Variants in ARHGEF10L observed in about 807,000 individuals in gnomAD.
ARHGEF10L encodes rho guanine nucleotide exchange factor 10-like protein.
Under a neutral mutation model 141.2 loss-of-function variants are expected in ARHGEF10L, and 69 were observed. That is an observed-to-expected ratio of 0.49 (90% CI 0.40 to 0.60). The LOEUF (loss-of-function observed/expected upper bound fraction) is 0.60, where lower values mean the gene tolerates loss of function less well. Among genes scored for constraint, ARHGEF10L ranks in the 20% least tolerant of loss-of-function variants. The pLI is 0.00. For synonymous variants in ARHGEF10L, 711 were observed against 718.5 expected (o/e 0.99, Z 0.17); for missense variants, 1,482 against 1,734.3 (o/e 0.85, Z 2.58).
intron 20 of ARHGEF10L, 90 bp from the exon 21 acceptor site, chr1:17,640,112 C>T (rs892135320): frequency 2.6e-5 from 39 of 1,515,038 alleles, no homozygotes; most frequent in East Asian, 9.8e-5. Context: ...CTCCAGGGCG[C>T]GTGGGTTGGA....
chr1:17,678,715 G>A (rs778787461), intron 26 of ARHGEF10L, among the ~76,000 whole-genome samples: 3 of 152,134 alleles, frequency 2.0e-5, no homozygotes, highest in Non-Finnish European at 2.9e-5. Flanking sequence ...CACCGCACCC[G>A]GCTGGATTTC....
At chr1:17,559,941 G>C (rs2077482059) in intron 1 of ARHGEF10L, among the ~76,000 whole-genome samples, 1 of 152,106 alleles carries the variant, frequency 6.6e-6, no homozygotes, top group Non-Finnish European at 1.5e-5. Context: ...TGCTTGATTT[G>C]AATTCTCAGG....
At chr1:17,684,229 G>A (rs1210874080) in intron 26 of ARHGEF10L, among the ~76,000 whole-genome samples, 3 of 152,200 alleles carry the variant, frequency 2.0e-5, no homozygotes, top group Admixed American at 6.5e-5. Flanking sequence ...CCTCATGGGA[G>A]GTTTCCTTCC....
intron 21 of ARHGEF10L, among the ~76,000 whole-genome samples, chr1:17,642,008 A>C (rs1405550671): frequency 6.6e-6 from 1 of 152,068 alleles, no homozygotes; most frequent in Non-Finnish European, 1.5e-5. Context: ...AAAGAAAAAA[A>C]AAAGAAGTTA....
At chr1:17,605,269 A>G (rs553562390) in intron 6 of ARHGEF10L, among the ~76,000 whole-genome samples, 2 of 152,278 alleles carry the variant, frequency 1.3e-5, no homozygotes, top group Admixed American at 1.3e-4. Context: ...GCTTCTTCAC[A>G]TAAAGCAGGA....
the ARHGEF10L span, among the ~76,000 whole-genome samples, chr1:17,520,267 C>T: frequency 6.6e-6 from 1 of 152,200 alleles, no homozygotes; most frequent in East Asian, 1.9e-4. Context: ...GCCCGCCCAG[C>T]AGGTCGGGCA....
In ARHGEF10L at chr1:17,654,737, T is replaced by G. The variant is rs2062126687; in HGVS notation, c.2481+15T>G. On this transcript the variant is annotated intron_variant, in intron 23 of 28. Transcript: ENST00000361221. This position sits in a 1 kb window ranked among gnomAD's most constrained non-coding sequence, Gnocchi z 4.3. ...GCTACCTCTGGGTGAGTCACCCCCC[T>G]GCCCAGCTGGGCATTCTGGCCTCAG... The G allele has an allele frequency of 6.2e-7, 1 of 1,611,030 alleles. No homozygotes were observed. The highest frequency in any genetic ancestry group is 1.3e-5 in the African/African-American group (1 of 74,986).
intron 4 of ARHGEF10L, among the ~76,000 whole-genome samples, chr1:17,590,931 G>A (rs1421441655): frequency 6.6e-6 from 1 of 152,208 alleles, no homozygotes; most frequent in African/African-American, 2.4e-5. Context: ...AGGTTGTAGT[G>A]AGGCGAGATT....
chr1:17,638,150 T>C (rs1430483515), intron 19 of ARHGEF10L, 147 bp downstream of exon 19: 2 of 752,370 alleles, frequency 2.7e-6, no homozygotes, highest in African/African-American at 1.8e-5. Context: ...CAACTGTCGC[T>C]GCTGAAGCTC....
intron 2 of ARHGEF10L, among the ~76,000 whole-genome samples, chr1:17,581,341 A>T (rs2078545347): frequency 6.6e-6 from 1 of 150,990 alleles, no homozygotes; most frequent in Non-Finnish European, 1.5e-5. Context: ...AAGAAAAGAG[A>T]AAAAGAAAAA....
At chr1:17,611,335 T>G (rs529231498) in intron 7 of ARHGEF10L, among the ~76,000 whole-genome samples, 1 of 152,364 alleles carries the variant, frequency 6.6e-6, no homozygotes, top group East Asian at 1.9e-4. Context: ...GCATGCATAC[T>G]TCTTTGCATA....
chr1:17,531,079 A>C, the ARHGEF10L span, among the ~76,000 whole-genome samples: 1 of 152,228 alleles, frequency 6.6e-6, no homozygotes, highest in Non-Finnish European at 1.5e-5. Flanking sequence ...GCAAGAGTCA[A>C]TGGGATCATG....
At chr1:17,657,353 A>C (rs1026078122) in intron 25 of ARHGEF10L, among the ~76,000 whole-genome samples, 1 of 152,190 alleles carries the variant, frequency 6.6e-6, no homozygotes, top group Admixed American at 6.5e-5. Flanking sequence ...TACTGAGATG[A>C]TGCTGACTGG....
intron 22 of ARHGEF10L, among the ~76,000 whole-genome samples, chr1:17,653,483 C>T (rs1164999481): frequency 6.6e-6 from 1 of 152,220 alleles, no homozygotes; most frequent in Non-Finnish European, 1.5e-5. Context: ...GCTGCCGTGG[C>T]CTCGTCTCCA....
chr1:17,696,663 C>T (rs1203094560), intron 28 of ARHGEF10L, among the ~76,000 whole-genome samples, 185 bp from the exon 29 acceptor site: 2 of 152,116 alleles, frequency 1.3e-5, no homozygotes, highest in Non-Finnish European at 2.9e-5. Context: ...TGTTCCACTC[C>T]CCTGAGGAAG....
chr1:17,638,855 G>C (rs977949299), intron 20 of ARHGEF10L, among the ~76,000 whole-genome samples, 166 bp downstream of exon 20: 1 of 152,214 alleles, frequency 6.6e-6, no homozygotes, highest in African/African-American at 2.4e-5. Context: ...CTGGCACGCA[G>C]TAGGTGCTCA....
intron 1 of ARHGEF10L, among the ~76,000 whole-genome samples, chr1:17,567,103 G>A (rs913530405): frequency 3.3e-5 from 5 of 152,234 alleles, no homozygotes; most frequent in East Asian, 1.9e-4. Flanking sequence ...GCCACAGGAC[G>A]ACCTTGGATA....
intron 10 of ARHGEF10L, among the ~76,000 whole-genome samples, chr1:17,620,901 C>T (rs868738155): frequency 3.9e-5 from 6 of 152,230 alleles, no homozygotes; most frequent in Non-Finnish European, 7.4e-5. Flanking sequence ...GTTCAGAGGA[C>T]GGTAGAACTT....
At chr1:17,537,884 G>GAA (rs886400324), upstream of ARHGEF10L, among the ~76,000 whole-genome samples, 2 of 134,430 alleles carry the variant, frequency 1.5e-5, no homozygotes, top group African/African-American at 5.5e-5. Context: ...AGAAAGAAAA[G>GAA]AAAAAAAAAA....
Sources: allele counts gnomAD v4.1 joint callset (sites outside exome capture counted in the v4.1 genomes callset), GRCh38; gene constraint gnomAD v4.1.1; non-coding constraint Gnocchi (gnomAD v3.1); transcripts MANE v1.5; gene names NCBI Gene and HGNC (gene_info 2026-07-23, HGNC 2026-07-21).